Variants in TRPM1 observed in about 807,000 individuals in gnomAD.
The protein encoded by TRPM1 is transient receptor potential cation channel subfamily M member 1.
A neutral mutation model predicts 149.4 loss-of-function variants in TRPM1; 113 were observed. That is an observed-to-expected ratio of 0.76 (90% confidence interval 0.65 to 0.88). TRPM1 has a LOEUF of 0.88. Ranked by LOEUF, TRPM1 falls within the 40% of genes least tolerant of loss-of-function variation. The pLI is 0.00. For missense variants in TRPM1, 1,976 were observed against 2,038.7 expected, an observed-to-expected ratio of 0.97 and a Z score of 0.59; for synonymous variants, 741 against 759.5, an observed-to-expected ratio of 0.98 and a Z score of 0.40.
chr15:31,091,785 A>G (rs2035247445), intron 1 of TRPM1, among the ~76,000 whole-genome samples: 1 of 152,208 alleles, frequency 6.6e-6, no homozygotes, highest in African/African-American at 2.4e-5. Flanking sequence ...GAACGTTCCC[A>G]CACATCTCAC....
chr15:31,054,592 G>C (rs2034035612), intron 11 of TRPM1, among the ~76,000 whole-genome samples: 2 of 152,116 alleles, frequency 1.3e-5, no homozygotes, highest in South Asian at 4.1e-4. Context: ...ACTGTGCCTG[G>C]CCTCTTCGTT....
intron 27 of TRPM1, among the ~76,000 whole-genome samples, chr15:31,008,529 T>C: frequency 6.6e-6 from 1 of 152,210 alleles, no homozygotes; most frequent in East Asian, 1.9e-4. Context: ...AGCCTTTTAT[T>C]CCTGGGATAA....
intron 11 of TRPM1, among the ~76,000 whole-genome samples, chr15:31,058,478 A>T (rs1280841082): frequency 1.3e-5 from 2 of 152,232 alleles, no homozygotes; most frequent in African/African-American, 4.8e-5. Flanking sequence ...CCATGTAATC[A>T]CAACAATGTC....
intron 1 of TRPM1, among the ~76,000 whole-genome samples, chr15:31,107,030 G>A (rs1339090082): frequency 6.6e-6 from 1 of 152,038 alleles, no homozygotes; most frequent in African/African-American, 2.4e-5. Context: ...TTTGGATATT[G>A]TTGTCTGGTT....
chr15:31,087,875 T>C (rs1270819766), intron 1 of TRPM1, among the ~76,000 whole-genome samples: 1 of 152,186 alleles, frequency 6.6e-6, no homozygotes, highest in Non-Finnish European at 1.5e-5. Context: ...ATGGGTAGTT[T>C]TTCCATTTTC....
Position 31,032,002 on chromosome 15 carries a change from C to T in TRPM1, c.2952+687G>A, listed in dbSNP as rs576720728. ...ACATGTTAGGAGGTTATAAATCAGGCGGGGTTTTTTTTTTTTTTTTTTTTG... is the reference window on the plus strand; with the variant it reads ...ACATGTTAGGAGGTTATAAATCAGGTGGGGTTTTTTTTTTTTTTTTTTTTG... On this transcript the variant is annotated intron_variant, in intron 22 of 27. Coordinates refer to ENST00000256552, the MANE Select transcript of TRPM1 (RefSeq NM_001252024.2). Among the ~76,000 whole-genome samples the T allele has an allele frequency of 6.1e-3, 735 of 120,162 alleles. 5 individuals carry two copies. The highest frequency in any genetic ancestry group is 9.2e-3 in the Non-Finnish European group (558 of 60,598). The allele number at this position is 120,162 out of a possible 152,430, so 78.8% of individuals were successfully genotyped here.
At position 31,026,158 on chromosome 15, in the gene TRPM1, T is replaced by A; in HGVS notation, c.3610A>T (p.Ile1204Phe). The A allele has an allele frequency of 6.2e-7, 1 of 1,612,162 alleles. No individual in the cohort carries two copies. Among genetic ancestry groups the A allele is most frequent in the Non-Finnish European group, 8.5e-7 (1 of 1,180,026 alleles). The change falls in exon 27 of 28, where the codon ATC becomes TTC. Residue 1204 changes from isoleucine to phenylalanine, a missense_variant. Coordinates refer to ENST00000256552, the MANE Select transcript of TRPM1 (RefSeq NM_001252024.2). Reference sequence around the variant, plus strand: ...ACGTACCTTTCAGAAGTGACCCGGATGCGCTCGTCGCTGGACGACTGCTGC... The same window carrying A: ...ACGTACCTTTCAGAAGTGACCCGGAAGCGCTCGTCGCTGGACGACTGCTGC... ...DEQQSSSDER[I>F]RVTSERVENM...
intron 25 of TRPM1, among the ~76,000 whole-genome samples, chr15:31,027,740 T>C (rs550937350): frequency 2.0e-5 from 3 of 152,238 alleles, no homozygotes; most frequent in African/African-American, 4.8e-5. Context: ...AGATTGCATA[T>C]TTCTGTGAAG....
chr15:31,022,409 T>C (rs987563953), intron 27 of TRPM1, among the ~76,000 whole-genome samples: 2 of 152,200 alleles, frequency 1.3e-5, no homozygotes, highest in Non-Finnish European at 2.9e-5. Flanking sequence ...GGCAGGAGGA[T>C]AGCTTGAGCC....
chr15:31,062,408 C>G (rs2034257357), intron 9 of TRPM1, among the ~76,000 whole-genome samples, 171 bp downstream of exon 9: 1 of 152,168 alleles, frequency 6.6e-6, no homozygotes, highest in Non-Finnish European at 1.5e-5. Context: ...TGGGCTCGTT[C>G]AGCTTCTGTC....
At chr15:31,050,316 G>T in intron 12 of TRPM1, 93 bp downstream of exon 12, 1 of 1,589,458 alleles carries the variant, frequency 6.3e-7, no homozygotes, top group Non-Finnish European at 8.6e-7. Context: ...CTGGGATCAG[G>T]GCCCTGGGTG....
At chr15:31,076,874 G>C (rs1416275245) in intron 3 of TRPM1, 31 bp downstream of exon 3, 1 of 1,496,340 alleles carries the variant, frequency 6.7e-7, no homozygotes, top group Admixed American at 1.7e-5. Flanking sequence ...CACTGGTTTG[G>C]ATAATGTCTT....
chr15:31,017,043 G>T lies in TRPM1; in HGVS notation c.3629+9096C>A, dbSNP rs528209841. Among the ~76,000 whole-genome samples, 41 of 151,992 alleles carry T rather than the reference G, an allele frequency of 2.7e-4. No homozygotes were observed. The East Asian group carries it at 7.7e-3, about 29-fold the overall frequency. ...AAGTCGGCCGGTTGTGGTGGTTCAC[G>T]CCTGTAATCCTAGCACTTTGGGAGG... On this transcript the variant is annotated intron_variant, in intron 27 of 27. Coordinates refer to ENST00000256552, the MANE Select transcript of TRPM1 (RefSeq NM_001252024.2).
At chr15:31,005,429 C>G (rs2031953556) in intron 27 of TRPM1, among the ~76,000 whole-genome samples, 1 of 152,158 alleles carries the variant, frequency 6.6e-6, no homozygotes, top group South Asian at 2.1e-4. Flanking sequence ...TCTTTGGTCT[C>G]CCTTATACTA....
intron 27 of TRPM1, 72 bp downstream of exon 27, chr15:31,026,067 C>A (rs2032723235): frequency 3.1e-6 from 5 of 1,589,752 alleles, no homozygotes; most frequent in Non-Finnish European, 4.3e-6. Flanking sequence ...ACTCTGGCAT[C>A]CCCCATAGAG....
chr15:31,117,663 A>AT (rs869149260), intron 1 of TRPM1, among the ~76,000 whole-genome samples: 6,699 of 46,844 alleles, frequency 0.14, 221 homozygotes, highest in African/African-American at 0.25. Flanking sequence ...AAAAAAAAAA[A>AT]ATACACACAC....
intron 1 of TRPM1, among the ~76,000 whole-genome samples, chr15:31,144,565 T>C (rs1211664555): frequency 1.3e-5 from 2 of 151,782 alleles, no homozygotes; most frequent in African/African-American, 4.9e-5. Flanking sequence ...ATAAGGTCAA[T>C]GAGACTAAAT....
At chr15:31,149,233 G>A (rs1196013003) in intron 1 of TRPM1, among the ~76,000 whole-genome samples, 3 of 152,206 alleles carry the variant, frequency 2.0e-5, no homozygotes, top group Admixed American at 6.5e-5. Flanking sequence ...GGCAGGAGAA[G>A]GTGGCTTTCA....
chr15:31,118,152 G>A lies in TRPM1; in HGVS notation c.55-41168C>T, dbSNP rs576827570. ...TGCATGCCTGTAATCTCACTACTCG[G>A]GCAGCTGAGGCATGAGAATCCCTTG... On this transcript the variant is annotated intron_variant, in intron 1 of 26. Coordinates refer to the TRPM1 transcript ENST00000542188. 3.3e-5 allele frequency among the ~76,000 whole-genome samples: 5 copies of A among 152,174 alleles called. No homozygotes were observed. The East Asian group carries it at 9.7e-4, about 29-fold the overall frequency.
Sources: gnomAD v4.1 joint callset for allele counts (sites outside exome capture counted in the v4.1 genomes callset) on GRCh38, gnomAD v4.1.1 for gene constraint, MANE v1.5 for transcripts, NCBI Gene and HGNC (gene_info 2026-07-23, HGNC 2026-07-21) for gene names.